Variants in ZFP90 observed in about 807,000 individuals in gnomAD.
The protein encoded by ZFP90 is ZFP90 zinc finger protein, also known as zinc finger protein 90 homolog.
ZFP90 carries 38 observed loss-of-function variants against 60.8 expected under a neutral mutation model. The observed-to-expected ratio is 0.62, with a 90% CI of 0.48 to 0.82. The LOEUF is 0.82. Among genes scored for constraint, ZFP90 ranks in the 40% least tolerant of loss-of-function variants. The pLI, the probability that ZFP90 is intolerant of heterozygous loss-of-function variation, is 0.00. For synonymous variants in ZFP90, 287 were observed against 264.8 expected, an observed-to-expected ratio of 1.08 and a Z score of -0.82; for missense variants, 711 against 759.1, an observed-to-expected ratio of 0.94 and a Z score of 0.74.
In ZFP90 at chr16:68,543,102, A is replaced by G. The variant is rs184944640; in HGVS notation, c.33+3277A>G. On this transcript the variant is annotated intron_variant, in intron 2 of 4. Coordinates refer to ENST00000563169, the MANE Select transcript of ZFP90 (RefSeq NM_001305203.2). ...CAGGGTAAGCCTTATCCTTATTGAG[A>G]TGGTGACACCTGAGCAGACTTGAAG... is the stretch of plus-strand genomic sequence containing the variant. 5.3e-5 allele frequency among the ~76,000 whole-genome samples: 8 copies of G among 152,246 alleles called. No individual in the cohort carries two copies. The East Asian group carries it at 1.4e-3, about 26-fold the overall frequency.
chr16:68,545,686 G>T (rs900988101), intron 2 of ZFP90, among the ~76,000 whole-genome samples: 3 of 152,046 alleles, frequency 2.0e-5, no homozygotes, highest in Admixed American at 2.0e-4. Flanking sequence ...ATGGTGGCCG[G>T]TGCCTGTAGT....
rs762450789 is a variant in ZFP90, at chr16:68,564,396, C to T, written c.1609C>T (p.Arg537Cys). The change falls in exon 5 of 5, where the codon CGC (arginine) becomes TGC (cysteine). Residue 537 changes from arginine to cysteine, a missense_variant. Arg to Cys is a radical substitution (Grantham distance 180). Around this residue, in one of 5 missense-constraint regions of ZFP90, gnomAD observed 295 missense variants for 274.0 expected, o/e 1.08. Coordinates refer to ENST00000563169, the MANE Select transcript of ZFP90 (RefSeq NM_001305203.2). ...TGAGTGTGGAGAAGCCTTTAGTCGA[C>T]GCTCATCGCTTACTCAACATGAGAG... ...CNECGEAFSR[R>C]SSLTQHERTH... The T allele has an allele frequency of 2.5e-5, 40 of 1,613,090 alleles. No individual in the cohort carries two copies. The highest frequency in any genetic ancestry group is 1.6e-4 in the Middle Eastern group (1 of 6,076).
chr16:68,564,771 A>G lies in ZFP90; in HGVS notation c.*73A>G, dbSNP rs1220688861. On this transcript the variant is annotated 3_prime_UTR_variant, in exon 5 of 5. Coordinates refer to ENST00000563169, the MANE Select transcript of ZFP90 (RefSeq NM_001305203.2). ...TGATTCAGGATCAGAGGATTCTTAG[A>G]GAGCTTGGGAATGTAATGAATTACG... 3.3e-6 allele frequency: 5 copies of G among 1,507,002 alleles called. No individual in the cohort carries two copies. Among genetic ancestry groups the G allele is most frequent in the African/African-American group, 1.4e-5 (1 of 71,618 alleles). 93.4% of individuals were successfully genotyped at this position (1,507,002 alleles called of 1,614,324 possible). A position where few individuals can be genotyped will look rare whatever the true frequency, so the allele number is the denominator to read the frequency against.
chr16:68,565,123 G>A lies in ZFP90; in HGVS notation c.*425G>A. On this transcript the variant is annotated 3_prime_UTR_variant, in exon 5 of 5. Coordinates refer to ENST00000563169, the MANE Select transcript of ZFP90 (RefSeq NM_001305203.2). ...CAGCTCTTACATTAACTTCACCATG[G>A]AAACCAGTTCCAACTCCAGGAAGTC... 1 of 993,330 alleles carries A rather than the reference G, an allele frequency of 1.0e-6. No homozygotes were observed. Among genetic ancestry groups the A allele is most frequent in the Non-Finnish European group, 1.2e-6 (1 of 835,098 alleles). The allele number at this position is 993,330 out of a possible 1,614,324, so 61.5% of individuals were successfully genotyped here.
chr16:68,557,334 C>T (rs1219692091), intron 2 of ZFP90: 10 of 450,120 alleles, frequency 2.2e-5, no homozygotes, highest in East Asian at 2.1e-4. Context: ...ATTATTAATA[C>T]GGCGAGGTGT....
In ZFP90 at chr16:68,563,871, G is replaced by C. The variant is rs780700794; in HGVS notation, c.1084G>C (p.Gly362Arg). ...SLTQHEVTHS[G>R]EKPFQCKECG... ...CACTCAACACGAGGTCACACACAGT[G>C]GAGAGAAGCCCTTCCAGTGTAAGGA... The change falls in exon 5 of 5, where the codon GGA becomes CGA. Residue 362 changes from glycine (G) to arginine (R), a missense_variant. Physicochemically the swap from Gly to Arg is moderately radical, Grantham distance 125 (BLOSUM62 -2). This residue lies in a region of ZFP90 where 146 missense variants were observed against 201.4 expected (regional missense o/e 0.73). Coordinates refer to ENST00000563169, the MANE Select transcript of ZFP90 (RefSeq NM_001305203.2). 6.2e-7 allele frequency: 1 copy of C among 1,614,108 alleles called. No homozygotes were observed. The highest frequency in any genetic ancestry group is 8.5e-7 in the Non-Finnish European group (1 of 1,180,000).
At chr16:68,555,107 T>C (rs1470381385) in intron 2 of ZFP90, 1 of 152,256 alleles carries the variant, frequency 6.6e-6, no homozygotes, top group East Asian at 1.9e-4. Flanking sequence ...GTACAGAGCC[T>C]ACCTTGAAGT....
intron 2 of ZFP90, chr16:68,555,323 A>G (rs555054613): frequency 6.6e-6 from 1 of 152,306 alleles, no homozygotes; most frequent in African/African-American, 2.4e-5. Flanking sequence ...TAGTCTGTCA[A>G]ATCTCTAACC....
intron 2 of ZFP90, among the ~76,000 whole-genome samples, chr16:68,574,882 C>G (rs534103033): frequency 2.2e-5 from 3 of 137,568 alleles, no homozygotes; most frequent in African/African-American, 8.3e-5. Flanking sequence ...AGAGATTGTG[C>G]CACTGGCATA....
chr16:68,556,621 TC>T, intron 2 of ZFP90, among the ~76,000 whole-genome samples: 1 of 152,208 alleles, frequency 6.6e-6, no homozygotes, highest in East Asian at 1.9e-4. Context: ...AAGTCCCTGT[TC>T]CCATGGAACT....
intron 4 of ZFP90, among the ~76,000 whole-genome samples, chr16:68,558,910 A>G (rs945469009): frequency 6.6e-6 from 1 of 151,982 alleles, no homozygotes; most frequent in Non-Finnish European, 1.5e-5. Flanking sequence ...TGCTGCTTTC[A>G]CTGTCAGATG....
downstream of ZFP90, among the ~76,000 whole-genome samples, chr16:68,571,296 G>A (rs773031502): frequency 2.6e-5 from 4 of 152,204 alleles, no homozygotes; most frequent in Middle Eastern, 3.4e-3. Context: ...GAAGTCACAT[G>A]GTGGATTAAA....
chr16:68,559,003 CCAT>C (rs1393428468), intron 4 of ZFP90, among the ~76,000 whole-genome samples: 4 of 152,162 alleles, frequency 2.6e-5, no homozygotes, highest in Non-Finnish European at 1.5e-5. Context: ...TGCCTTGCCA[CCAT>C]CTTCCTTCCA....
intron 2 of ZFP90, among the ~76,000 whole-genome samples, chr16:68,551,062 C>G (rs551187132): frequency 6.6e-6 from 1 of 152,200 alleles, no homozygotes; most frequent in Non-Finnish European, 1.5e-5. Flanking sequence ...TCAGAGGCCA[C>G]TTAGTGCTTA....
Position 68,563,727 on chromosome 16 carries a change from C to G in ZFP90, c.940C>G (p.Leu314Val). 4 of 1,609,318 alleles carry G rather than the reference C, an allele frequency of 2.5e-6. No individual in the cohort carries two copies. The highest frequency in any genetic ancestry group is 3.4e-6 in the Non-Finnish European group (4 of 1,178,064). The stretch of plus-strand genomic sequence containing the variant: ...CGGAGAGAAACCCTATCAGTGTAGT[C>G]TCTGTGGGAAAGCCTTCCAGCGCAG... ...HTGEKPYQCS[L>V]CGKAFQRSSS... The change falls in exon 5 of 5, where the codon CTC (leucine) becomes GTC (valine). Residue 314 changes from leucine (L) to valine (V), a missense_variant. By Grantham distance (32) the Leu-to-Val change is conservative. Around this residue, in one of 5 missense-constraint regions of ZFP90, gnomAD observed 146 missense variants for 201.4 expected, o/e 0.73. Transcript: ENST00000563169.
rs1380282718 is a variant in ZFP90 at position 68,563,603 on chromosome 16, T to A, written c.816T>A (p.His272Gln). ...TFLWKTQLTE[H>Q]QRIHTGEKPF... The stretch of plus-strand genomic sequence containing the variant: ...TCTGGAAGACACAGCTTACTGAGCA[T>A]CAGAGAATTCACACTGGGGAGAAAC... The change falls in exon 5 of 5, where the codon CAT (histidine) becomes CAA (glutamine). Residue 272 changes from histidine (H) to glutamine (Q), a missense_variant. Physicochemically the swap from His to Gln is conservative, Grantham distance 24. Around this residue, in one of 5 missense-constraint regions of ZFP90, gnomAD observed 146 missense variants for 201.4 expected, o/e 0.73. Coordinates refer to ENST00000563169, the MANE Select transcript of ZFP90 (RefSeq NM_001305203.2). 1.2e-5 allele frequency: 19 copies of A among 1,614,054 alleles called. No homozygotes were observed. Among genetic ancestry groups the A allele is most frequent in the Non-Finnish European group, 1.5e-5 (18 of 1,180,038 alleles).
intron 4 of ZFP90, 65 bp from the exon 5 acceptor site, chr16:68,562,978 TC>T (rs780787139): frequency 6.3e-7 from 1 of 1,594,886 alleles, no homozygotes; most frequent in Non-Finnish European, 8.6e-7. Flanking sequence ...CTTTCTTCAT[TC>T]CTACTCTAGC....
At position 68,564,276 on chromosome 16, in the gene ZFP90, T is replaced by C; in HGVS notation, c.1489T>C (p.Tyr497His). The change falls in exon 5 of 5, where the codon TAT becomes CAT. Residue 497 changes from tyrosine (Y) to histidine (H), a missense_variant. Physicochemically the swap from Tyr to His is moderately conservative, Grantham distance 83 (BLOSUM62 2). Around this residue, in one of 5 missense-constraint regions of ZFP90, gnomAD observed 295 missense variants for 274.0 expected, o/e 1.08. Transcript: ENST00000563169. ...TATTTCTCATCCTGGAGAGAAACCC[T>C]ATCAATGTAATGTATGTGGGAAAGC... ...QAISHPGEKP[Y>H]QCNVCGKAFK... 2.5e-6 allele frequency: 4 copies of C among 1,614,122 alleles called. No individual in the cohort carries two copies. Among genetic ancestry groups the C allele is most frequent in the Non-Finnish European group, 2.5e-6 (3 of 1,180,010 alleles).
At chr16:68,576,253 G>C (rs568958869), downstream of ZFP90, among the ~76,000 whole-genome samples, 4 of 152,246 alleles carry the variant, frequency 2.6e-5, no homozygotes, top group South Asian at 8.3e-4. Context: ...TTTCCTGTAA[G>C]ACTCTACTCA....
Sources: gnomAD v4.1 joint callset for allele counts (sites outside exome capture counted in the v4.1 genomes callset) on GRCh38, gnomAD v4.1.1 for gene constraint, gnomAD v4.1.1 regional missense constraint, MANE v1.5 for transcripts, NCBI Gene and HGNC (gene_info 2026-07-23, HGNC 2026-07-21) for gene names.